The following ANKRD27 variants were observed in gnomAD, a reference collection of about 807,000 sequenced individuals.
The protein encoded by ANKRD27 is ankyrin repeat domain-containing protein 27.
In ANKRD27, 112 loss-of-function variants were observed where a neutral mutation model predicts 129.7. The observed-to-expected ratio is 0.86, with a 90% CI of 0.74 to 1.01. The LOEUF (loss-of-function observed/expected upper bound fraction) is 1.01, where lower values mean the gene tolerates loss of function less well. ANKRD27 is among the 50% of genes least tolerant of loss of function. ANKRD27 has a pLI of 0.00. For synonymous variants in ANKRD27, 516 were observed against 511.2 expected (o/e 1.01, Z -0.13); for missense variants, 1,258 against 1,300.5 (o/e 0.97, Z 0.50).
intron 23 of ANKRD27, among the ~76,000 whole-genome samples, chr19:32,606,977 A>C (rs1971751711): frequency 7.0e-6 from 1 of 143,140 alleles, no homozygotes; most frequent in African/African-American, 2.7e-5. Flanking sequence ...AAAAAAAAGA[A>C]AAATTTATCT....
intron 24 of ANKRD27, 57 bp downstream of exon 24, chr19:32,605,778 G>A: frequency 1.9e-6 from 3 of 1,595,474 alleles, no homozygotes; most frequent in South Asian, 1.1e-5. Flanking sequence ...TCGCTGGGTG[G>A]AGGCGCCCTG....
At position 32,615,742 on chromosome 19, in the gene ANKRD27, C is replaced by A. The variant is rs374487664; in HGVS notation, c.2091G>T (p.Glu697Asp). 6.8e-6 allele frequency: 11 copies of A among 1,614,048 alleles called. No homozygotes were observed. The highest frequency in any genetic ancestry group is 2.7e-5 in the African/African-American group (2 of 74,916). ...CTGCACTGACAGTGTCCTCCGCATC[C>A]TCCAGGTCCTCCTCTGTCCATTCCA... ...YLLEWTEEDL[E>D]DAEDTVSAAD... Residue 697 changes from glutamate to aspartate, a missense_variant, in exon 22 of 29, where the codon GAG becomes GAT. Coordinates refer to ENST00000306065, the MANE Select transcript of ANKRD27 (RefSeq NM_032139.3).
intron 4 of ANKRD27, among the ~76,000 whole-genome samples, chr19:32,645,337 G>A (rs1032969350): frequency 9.2e-5 from 14 of 152,092 alleles, no homozygotes; most frequent in African/African-American, 2.6e-4. Context: ...GCTTGAACCC[G>A]GGAGCTGGAG....
chr19:32,616,810 C>T (rs10416758), intron 21 of ANKRD27, among the ~76,000 whole-genome samples: 81,046 of 151,978 alleles, frequency 0.53, 22,034 homozygotes, highest in Non-Finnish European at 0.57. Flanking sequence ...GGCCCCCTCT[C>T]GTGGCCCAGG....
intron 12 of ANKRD27, among the ~76,000 whole-genome samples, chr19:32,635,154 A>G (rs549330635): frequency 6.6e-6 from 1 of 152,292 alleles, no homozygotes; most frequent in African/African-American, 2.4e-5. Context: ...AGCATCTTTG[A>G]GAGGTGGACA....
Position 32,619,271 on chromosome 19 carries a change from CCTT to C in ANKRD27, c.1993_1995del (p.Lys665del), listed in dbSNP as rs1971970174. On this transcript the variant is annotated inframe_deletion, in exon 20 of 29. Coordinates refer to ENST00000306065, the MANE Select transcript of ANKRD27 (RefSeq NM_032139.3). ...TCTGGAAGCCTCACCTCTCTGTAGT[CCTT>C]CTTGGTCTCCTCCTGCCTTGAGCTG... The C allele has an allele frequency of 1.9e-6, 3 of 1,613,034 alleles. No individual in the cohort carries two copies. In the African/African-American group the frequency reaches 4.0e-5, roughly 22 times the overall value.
Position 32,643,443 on chromosome 19 carries a change from C to T in ANKRD27, c.627G>A (p.Lys209=). Residue 209 remains lysine, a synonymous_variant, in exon 7 of 29, where the codon AAG becomes AAA. Transcript: ENST00000306065. ...AKQEAQMNLM[K]QAVEIYVHHE... ...GCCCCACCCTCACCTCCACTGCCTG[C>T]TTCATCAGGTTCATCTGGGCCTCCT... 6.2e-7 allele frequency: 1 copy of T among 1,613,844 alleles called. No individual in the cohort carries two copies. Among genetic ancestry groups the T allele is most frequent in the East Asian group, 2.2e-5 (1 of 44,846 alleles).
chr19:32,637,254 T>G (rs1967108368), intron 12 of ANKRD27: 1 of 152,212 alleles, frequency 6.6e-6, no homozygotes, highest in African/African-American at 2.4e-5. Flanking sequence ...GAATGTTCAA[T>G]CCTTGGCACT....
chr19:32,645,269 G>A (rs1967279848), intron 4 of ANKRD27, among the ~76,000 whole-genome samples: 1 of 151,984 alleles, frequency 6.6e-6, no homozygotes, highest in Non-Finnish European at 1.5e-5. Context: ...AAAATTAGCT[G>A]GGTGTGGTGG....
intron 23 of ANKRD27, 33 bp from the exon 24 acceptor site, chr19:32,605,987 T>C: frequency 3.2e-6 from 5 of 1,569,204 alleles, no homozygotes; most frequent in Non-Finnish European, 4.3e-6. Context: ...GCAAACTTAA[T>C]CAAAATTTCT....
chr19:32,628,859 G>C lies in ANKRD27; in HGVS notation c.1210-10C>G. ...TACCTGATGCAATGTGCTGAAAAGT[G>C]ACATCCAAGATGCTATCCACATGCT... On this transcript the variant is annotated splice_polypyrimidine_tract_variant and intron_variant, in intron 13 of 28. Coordinates refer to ENST00000306065, the MANE Select transcript of ANKRD27 (RefSeq NM_032139.3). The C allele has an allele frequency of 6.2e-7, 1 of 1,613,886 alleles. No homozygotes were observed.
At chr19:32,622,251 A>G (rs1972021555) in intron 18 of ANKRD27, among the ~76,000 whole-genome samples, 171 bp downstream of exon 18, 1 of 152,198 alleles carries the variant, frequency 6.6e-6, no homozygotes, top group African/African-American at 2.4e-5. Flanking sequence ...ACCAAAAATA[A>G]TATATCAGTA....
intron 1 of ANKRD27, among the ~76,000 whole-genome samples, chr19:32,662,859 A>G (rs1967672629): frequency 6.6e-6 from 1 of 152,136 alleles, no homozygotes; most frequent in Admixed American, 6.5e-5. Context: ...CCTGGACAAC[A>G]TGGTGAAACC....
At chr19:32,635,011 C>A (rs1286314579) in intron 12 of ANKRD27, among the ~76,000 whole-genome samples, 1 of 152,142 alleles carries the variant, frequency 6.6e-6, no homozygotes, top group Non-Finnish European at 1.5e-5. Context: ...GCAATATTTT[C>A]TGAAATAAAA....
At chr19:32,602,731 TA>T (rs921539313) in intron 25 of ANKRD27, among the ~76,000 whole-genome samples, 10 of 150,834 alleles carry the variant, frequency 6.6e-5, no homozygotes, top group East Asian at 2.0e-4. Flanking sequence ...CTGTCTCTAT[TA>T]AAAAAAAATT....
chr19:32,610,798 G>GA (rs1160168362), intron 22 of ANKRD27, among the ~76,000 whole-genome samples: 1 of 150,798 alleles, frequency 6.6e-6, no homozygotes, highest in Non-Finnish European at 1.5e-5. Context: ...TCTCAAAAAA[G>GA]AAAAAAAAGA....
At chr19:32,665,383 G>A (rs145813281) in intron 1 of ANKRD27, among the ~76,000 whole-genome samples, 1,993 of 151,028 alleles carry the variant, frequency 0.013, 46 homozygotes, top group African/African-American at 0.047. Context: ...TTTGCCTCCC[G>A]GGTTCAAGCA....
chr19:32,671,131 C>T (rs1967862256), intron 1 of ANKRD27, among the ~76,000 whole-genome samples: 1 of 151,840 alleles, frequency 6.6e-6, no homozygotes, highest in Non-Finnish European at 1.5e-5. Flanking sequence ...CCTGTCTCTA[C>T]AGGAAAATCA....
At chr19:32,660,831 G>A (rs1023490702) in intron 1 of ANKRD27, among the ~76,000 whole-genome samples, 1 of 152,068 alleles carries the variant, frequency 6.6e-6, no homozygotes, top group Non-Finnish European at 1.5e-5. Flanking sequence ...GCCTGATCAT[G>A]TCTTTTGCTC....
Sources: gnomAD v4.1 joint callset for allele counts (sites outside exome capture counted in the v4.1 genomes callset) on GRCh38, gnomAD v4.1.1 for gene constraint, MANE v1.5 for transcripts, NCBI Gene and HGNC (gene_info 2026-07-23, HGNC 2026-07-21) for gene names.